FYB1: variants seen among roughly 807,000 people sequenced by gnomAD.
FYB1 encodes the protein FYN binding protein 1.
Under a neutral mutation model 94.1 loss-of-function variants are expected in FYB1, and 41 were observed. That is an observed-to-expected ratio of 0.44 (90% CI 0.34 to 0.57). The LOEUF (loss-of-function observed/expected upper bound fraction) is 0.57. FYB1 is among the 20% of genes least tolerant of loss of function. FYB1 has a pLI of 0.02. For missense variants in FYB1, 1,050 were observed against 976.8 expected (o/e 1.07, Z -1.00); for synonymous variants, 367 against 353.2 (o/e 1.04, Z -0.44).
At chr5:39,128,264 A>G (rs1740869252) in intron 10 of FYB1, among the ~76,000 whole-genome samples, 1 of 152,082 alleles carries the variant, frequency 6.6e-6, no homozygotes, top group Admixed American at 6.6e-5. Context: ...GTGAAAAGTG[A>G]CTTTTAAAAT....
intron 2 of FYB1, among the ~76,000 whole-genome samples, chr5:39,161,323 T>G (rs1744230248): frequency 6.6e-6 from 1 of 152,146 alleles, no homozygotes; most frequent in African/African-American, 2.4e-5. Flanking sequence ...AAAAGCAAAC[T>G]GTAAAATAAA....
rs1749331974 is a variant in FYB1 at position 39,211,116 on chromosome 5, GT to G, written c.-27-8130del. 2.0e-5 allele frequency: 3 copies of G among 152,128 alleles called. No homozygotes were observed. The South Asian group carries it at 6.2e-4, about 31-fold the overall frequency. 9.4% of individuals were successfully genotyped at this position (152,128 alleles called of 1,614,324 possible). ...CCTGAAAATACCAAATTAGAAAACAGTTTTTCAGGAATTTACATTTTGACTA... is the reference window on the plus strand; with the variant it reads ...CCTGAAAATACCAAATTAGAAAACAGTTTTCAGGAATTTACATTTTGACTA... On this transcript the variant is annotated intron_variant, in intron 1 of 18. Transcript: ENST00000512982.
intron 16 of FYB1, among the ~76,000 whole-genome samples, chr5:39,118,152 C>T (rs1009435440): frequency 1.3e-5 from 2 of 152,160 alleles, no homozygotes; most frequent in African/African-American, 4.8e-5. Context: ...AATCATCCTG[C>T]CTCAGCCCCG....
chr5:39,106,033 C>A lies in FYB1; in HGVS notation c.*1410G>T, dbSNP rs1431046381. On this transcript the variant is annotated 3_prime_UTR_variant, in exon 19 of 19. Transcript: ENST00000512982. ...GAGCCACTTCAGAAACTCCAATGGG[C>A]CTTTGCAATATTAAAATGTGGAGAA... 1 of 152,058 alleles carries A rather than the reference C, an allele frequency of 6.6e-6. No homozygotes were observed. The allele number at this position is 152,058 out of a possible 1,614,324, so 9.4% of individuals were successfully genotyped here.
chr5:39,147,480 GTGTGTGTC>G (rs1188602409), intron 3 of FYB1, among the ~76,000 whole-genome samples: 19 of 151,214 alleles, frequency 1.3e-4, no homozygotes, highest in Non-Finnish European at 5.9e-5. Flanking sequence ...GTGTGTGTGT[GTGTGTGTC>G]TGTGTGTGTG....
intron 2 of FYB1, among the ~76,000 whole-genome samples, chr5:39,192,698 T>C (rs1292977591): frequency 1.3e-5 from 2 of 152,236 alleles, no homozygotes; most frequent in Non-Finnish European, 2.9e-5. Flanking sequence ...GATAACTATA[T>C]TAAGGGAACT....
At chr5:39,264,265 A>G (rs1024754342) in intron 1 of FYB1, among the ~76,000 whole-genome samples, 1 of 152,206 alleles carries the variant, frequency 6.6e-6, no homozygotes, top group Admixed American at 6.5e-5. Flanking sequence ...AGAAGCCAAA[A>G]GAGCTTATTT....
intron 1 of FYB1, among the ~76,000 whole-genome samples, chr5:39,248,757 A>G (rs2150605153): frequency 6.6e-6 from 1 of 152,202 alleles, no homozygotes; most frequent in East Asian, 1.9e-4. Context: ...GAATCGCTTG[A>G]ACCAGGGAGG....
chr5:39,191,334 T>G (rs1747341444), intron 2 of FYB1, among the ~76,000 whole-genome samples: 1 of 152,226 alleles, frequency 6.6e-6, no homozygotes. Context: ...CAGGCTCTGT[T>G]GCCAGGACCA....
intron 1 of FYB1, among the ~76,000 whole-genome samples, chr5:39,242,760 T>C (rs1477945622): frequency 3.9e-5 from 6 of 152,166 alleles, no homozygotes; most frequent in Non-Finnish European, 8.8e-5. Context: ...CCACCAACAG[T>C]GTAAAAATGT....
chr5:39,262,475 C>CTATCAATAAATATGACAATAAA, intron 1 of FYB1, among the ~76,000 whole-genome samples: 1 of 152,234 alleles, frequency 6.6e-6, no homozygotes, highest in South Asian at 2.1e-4. Flanking sequence ...TGTCAAAACT[C>CTATCAATAAATATGACAATAAA]TATCAATAAA....
At chr5:39,150,634 T>C (rs1170376551) in intron 3 of FYB1, among the ~76,000 whole-genome samples, 1 of 152,190 alleles carries the variant, frequency 6.6e-6, no homozygotes, top group Non-Finnish European at 1.5e-5. Flanking sequence ...GCATGATACT[T>C]ACAGTTGCTT....
intron 1 of FYB1, chr5:39,270,603 A>T (rs1488882193): frequency 6.5e-7 from 1 of 1,534,160 alleles, no homozygotes; most frequent in African/African-American, 1.4e-5. Context: ...TGCCTGGCAC[A>T]CAATGACCCC....
At chr5:39,134,111 G>T in intron 9 of FYB1, 97 bp downstream of exon 9, 2 of 845,968 alleles carry the variant, frequency 2.4e-6, no homozygotes, top group Non-Finnish European at 3.6e-6. Context: ...ATAGAGAGCA[G>T]TAGGAGTTAT....
intron 14 of FYB1, 105 bp from the exon 15 acceptor site, chr5:39,119,739 CA>C: frequency 2.4e-6 from 3 of 1,257,126 alleles, no homozygotes; most frequent in Non-Finnish European, 3.1e-6. Flanking sequence ...CTTTTTGTTT[CA>C]GTTAATTCTT....
intron 16 of FYB1, among the ~76,000 whole-genome samples, chr5:39,113,977 G>C (rs753245535): frequency 2.4e-4 from 37 of 151,726 alleles, no homozygotes; most frequent in Non-Finnish European, 1.6e-4. Flanking sequence ...ATATTTGGAC[G>C]ACATTTTAAC....
rs1220549326 is a variant in FYB1 at position 39,105,854 on chromosome 5, A to T, written c.*1589T>A. 2.0e-5 allele frequency: 3 copies of T among 152,182 alleles called. No homozygotes were observed. Among genetic ancestry groups the T allele is most frequent in the Non-Finnish European group, 4.4e-5 (3 of 68,030 alleles). The allele number at this position is 152,182 out of a possible 1,614,324, so 9.4% of individuals were successfully genotyped here. Reference sequence around the variant, plus strand: ...GAATCTTTGGAGATTAGTGGCATCTAATCTTGGGGCCTCAGACACCCAAAA... The same window carrying T: ...GAATCTTTGGAGATTAGTGGCATCTTATCTTGGGGCCTCAGACACCCAAAA... On this transcript the variant is annotated 3_prime_UTR_variant, in exon 19 of 19. Coordinates refer to ENST00000512982, the MANE Select transcript of FYB1 (RefSeq NM_001465.6).
chr5:39,225,152 A>G (rs939895715), intron 1 of FYB1, among the ~76,000 whole-genome samples: 1 of 152,162 alleles, frequency 6.6e-6, no homozygotes, highest in African/African-American at 2.4e-5. Context: ...TTGGTTTTGT[A>G]TAGCTAGCAG....
chr5:39,228,030 T>C (rs1245324172), intron 1 of FYB1, among the ~76,000 whole-genome samples: 2 of 152,162 alleles, frequency 1.3e-5, no homozygotes, highest in African/African-American at 4.8e-5. Context: ...TAAAGCCCAG[T>C]GCATCTCTCT....
Sources: gnomAD v4.1 joint callset for allele counts (sites outside exome capture counted in the v4.1 genomes callset) on GRCh38, gnomAD v4.1.1 for gene constraint, MANE v1.5 for transcripts, NCBI Gene and HGNC (gene_info 2026-07-23, HGNC 2026-07-21) for gene names.